IQCJ: variants seen among roughly 807,000 people sequenced by gnomAD.
IQCJ encodes the protein IQ domain-containing protein J.
IQCJ carries 9 observed loss-of-function variants against 11.0 expected under a neutral mutation model. The observed-to-expected ratio is 0.82, with a 90% CI of 0.49 to 1.43. The LOEUF is 1.43. Ranked by LOEUF, IQCJ falls within the 40% of genes most tolerant of loss-of-function variation. IQCJ has a pLI of 0.00. For synonymous variants in IQCJ, 55 were observed against 51.3 expected, an observed-to-expected ratio of 1.07 and a Z score of -0.31; for missense variants, 146 against 133.2, an observed-to-expected ratio of 1.10 and a Z score of -0.47.
chr3:159,256,464 C>A (rs552894064), intron 3 of IQCJ, among the ~76,000 whole-genome samples: 2 of 152,122 alleles, frequency 1.3e-5, no homozygotes, highest in Admixed American at 6.5e-5. Flanking sequence ...TAATACATTT[C>A]TACTTTAGTC....
intron 1 of IQCJ, among the ~76,000 whole-genome samples, chr3:159,158,975 C>T (rs1721687006): frequency 6.6e-6 from 1 of 152,140 alleles, no homozygotes; most frequent in Non-Finnish European, 1.5e-5. Context: ...CAGTAGGCCA[C>T]ACAGAGCCAC....
At chr3:159,112,677 G>A (rs181235602) in intron 1 of IQCJ, among the ~76,000 whole-genome samples, 7 of 152,250 alleles carry the variant, frequency 4.6e-5, no homozygotes, top group Admixed American at 2.6e-4. Flanking sequence ...CTCGCACACC[G>A]TTTCGTTGGG....
chr3:159,083,037 AC>A (rs1445492359), intron 1 of IQCJ, among the ~76,000 whole-genome samples: 2 of 152,142 alleles, frequency 1.3e-5, no homozygotes, highest in Non-Finnish European at 2.9e-5. Context: ...AAATTTTGAA[AC>A]CTCGGATGAG....
chr3:159,131,953 CACA>C (rs1720015585), intron 1 of IQCJ, among the ~76,000 whole-genome samples: 1 of 152,064 alleles, frequency 6.6e-6, no homozygotes. Context: ...TAAGTACACA[CACA>C]CACACACACA....
At chr3:159,095,421 A>T in intron 1 of IQCJ, among the ~76,000 whole-genome samples, 1 of 147,916 alleles carries the variant, frequency 6.8e-6, no homozygotes, top group East Asian at 2.0e-4. Flanking sequence ...TGTGCAGGTT[A>T]GTTACATATG....
intron 1 of IQCJ, among the ~76,000 whole-genome samples, chr3:159,146,803 G>A (rs1026213735): frequency 1.3e-5 from 2 of 152,210 alleles, no homozygotes; most frequent in Non-Finnish European, 2.9e-5. Flanking sequence ...TTCATCAGCT[G>A]TATCTCCTCA....
intron 1 of IQCJ, among the ~76,000 whole-genome samples, chr3:159,241,589 G>T (rs1187781591): frequency 6.6e-6 from 1 of 151,962 alleles, no homozygotes; most frequent in Non-Finnish European, 1.5e-5. Flanking sequence ...TTTTCCTTCA[G>T]TTAGTACCTG....
intron 1 of IQCJ, among the ~76,000 whole-genome samples, chr3:159,239,919 C>A (rs146870516): frequency 1.3e-5 from 2 of 152,248 alleles, no homozygotes; most frequent in African/African-American, 2.4e-5. Context: ...GCTATACCAT[C>A]TAGGTTTGTG....
At chr3:159,101,684 C>G (rs543627253) in intron 1 of IQCJ, among the ~76,000 whole-genome samples, 4 of 152,150 alleles carry the variant, frequency 2.6e-5, no homozygotes, top group Non-Finnish European at 5.9e-5. Flanking sequence ...TGGACTCAAG[C>G]CCATCTACTG....
At chr3:159,122,308 A>G (rs1183958075) in intron 1 of IQCJ, among the ~76,000 whole-genome samples, 1 of 152,204 alleles carries the variant, frequency 6.6e-6, no homozygotes, top group Non-Finnish European at 1.5e-5. Context: ...TATTCAGTTC[A>G]TAACAGATTA....
intron 2 of IQCJ, among the ~76,000 whole-genome samples, chr3:159,249,716 C>G (rs1314957610): frequency 6.6e-6 from 1 of 152,238 alleles, no homozygotes; most frequent in Non-Finnish European, 1.5e-5. Flanking sequence ...ATCTCAGCTA[C>G]TTGAAATAAC....
At chr3:159,077,221 G>T (rs1218838300) in intron 1 of IQCJ, among the ~76,000 whole-genome samples, 1 of 152,148 alleles carries the variant, frequency 6.6e-6, no homozygotes, top group Non-Finnish European at 1.5e-5. Context: ...TGTTGGCAAA[G>T]GCGGGGCTCT....
intron 1 of IQCJ, among the ~76,000 whole-genome samples, chr3:159,185,442 C>G (rs370257683): frequency 6.6e-6 from 1 of 152,254 alleles, no homozygotes; most frequent in East Asian, 1.9e-4. Flanking sequence ...GAGTGCCAAT[C>G]CACTATATTC....
chr3:159,104,140 A>G (rs115819397), intron 1 of IQCJ, among the ~76,000 whole-genome samples: 1,966 of 152,312 alleles, frequency 0.013, 19 homozygotes, highest in Non-Finnish European at 0.023. Flanking sequence ...CTCTTCCCCA[A>G]ATGTCCCATA....
At chr3:159,209,596 G>T (rs1160241210) in intron 1 of IQCJ, among the ~76,000 whole-genome samples, 2 of 152,134 alleles carry the variant, frequency 1.3e-5, no homozygotes, top group Non-Finnish European at 2.9e-5. Flanking sequence ...CACGTCCTCT[G>T]GGGCTCCAGA....
At position 159,089,282 on chromosome 3, in the gene IQCJ, A is replaced by G. The variant is rs546588404; in HGVS notation, c.9+19841A>G. ...TTCTGGCTTGTAGCGTTTCTGCCGA[A>G]AGATCCGCTGTTAGTCTGATGGGCT... On this transcript the variant is annotated intron_variant, in intron 1 of 3. Coordinates refer to ENST00000397832, the MANE Select transcript of IQCJ (RefSeq NM_001042706.3). 6.4e-4 allele frequency among the ~76,000 whole-genome samples: 98 copies of G among 152,270 alleles called. 1 individual carries two copies. Among genetic ancestry groups the G allele is most frequent in the African/African-American group, 2.0e-3 (81 of 41,534 alleles).
At chr3:159,091,674 GCACACACACACACACACACA>G (rs1170628138) in intron 1 of IQCJ, among the ~76,000 whole-genome samples, 6 of 81,270 alleles carry the variant, frequency 7.4e-5, no homozygotes, top group Non-Finnish European at 1.2e-4. Flanking sequence ...ACACACGCAT[GCACACACACACACACACACA>G]CACACACACA....
intron 1 of IQCJ, among the ~76,000 whole-genome samples, chr3:159,190,534 GT>G (rs1723622629): frequency 6.6e-6 from 1 of 152,206 alleles, no homozygotes; most frequent in South Asian, 2.1e-4. Flanking sequence ...GCAGCTGGAA[GT>G]TTAGCAGTGC....
intron 1 of IQCJ, among the ~76,000 whole-genome samples, chr3:159,103,952 T>C (rs555390779): frequency 3.9e-5 from 6 of 152,268 alleles, no homozygotes; most frequent in Non-Finnish European, 7.3e-5. Context: ...ATTTCTTTGC[T>C]TCATTTCATT....
Sources: allele counts gnomAD v4.1 joint callset (sites outside exome capture counted in the v4.1 genomes callset), GRCh38; gene constraint gnomAD v4.1.1; transcripts MANE v1.5; gene names NCBI Gene and HGNC (gene_info 2026-07-23, HGNC 2026-07-21).